AKAP12: variants seen among roughly 807,000 people sequenced by gnomAD.
AKAP12 encodes the protein A-kinase anchoring protein 12, also known as A-kinase anchor protein 12.
A neutral mutation model predicts 79.9 loss-of-function variants in AKAP12; 32 were observed. The observed-to-expected ratio is 0.40, with a 90% CI of 0.30 to 0.54. The LOEUF is 0.54. Ranked by LOEUF, AKAP12 falls within the 20% of genes least tolerant of loss-of-function variation. The pLI is 0.48. For synonymous variants in AKAP12, 808 were observed against 857.0 expected (o/e 0.94, Z 1.00); for missense variants, 2,074 against 2,177.0 (o/e 0.95, Z 0.94).
At chr6:151,249,238 A>G (rs1427023331) in intron 2 of AKAP12, among the ~76,000 whole-genome samples, 2 of 152,216 alleles carry the variant, frequency 1.3e-5, no homozygotes, top group African/African-American at 2.4e-5. Context: ...AAAATCTGTA[A>G]AGAAATTTTA....
chr6:151,334,925 C>A (rs1003102257), intron 3 of AKAP12, among the ~76,000 whole-genome samples: 1 of 152,080 alleles, frequency 6.6e-6, no homozygotes, highest in Non-Finnish European at 1.5e-5. Context: ...GCCCGGCCTT[C>A]AACATTTTGT....
intron 3 of AKAP12, among the ~76,000 whole-genome samples, chr6:151,337,163 G>A (rs1777835200): frequency 6.6e-6 from 1 of 152,030 alleles, no homozygotes; most frequent in Admixed American, 6.6e-5. Flanking sequence ...ATAATTTTTA[G>A]TAGTTACCTG....
chr6:151,345,815 A>C (rs1399310008), intron 3 of AKAP12, among the ~76,000 whole-genome samples: 1 of 151,376 alleles, frequency 6.6e-6, no homozygotes, highest in Non-Finnish European at 1.5e-5. Flanking sequence ...AGAAAAGAAA[A>C]AAGAAAATTC....
At chr6:151,330,947 G>C (rs1191923001) in intron 3 of AKAP12, among the ~76,000 whole-genome samples, 1 of 152,150 alleles carries the variant, frequency 6.6e-6, no homozygotes, top group African/African-American at 2.4e-5. Flanking sequence ...TTGCAGCTTT[G>C]GGGACGGGGA....
chr6:151,322,721 CGCCACTGGGCGTGTCCACCACCCACTCCT>C (rs1378417437), intron 3 of AKAP12, among the ~76,000 whole-genome samples: 1,931 of 143,650 alleles, frequency 0.013, 36 homozygotes, highest in African/African-American at 0.052. Context: ...CACCCACTCC[CGCCACTGGGCGTGTCCACCACCCACTCCT>C]GCCACTGGGT....
chr6:151,242,879 AGGGGTGATATTGGCTCCTT>A (rs1173144303), intron 2 of AKAP12, among the ~76,000 whole-genome samples: 3 of 152,224 alleles, frequency 2.0e-5, no homozygotes, highest in Admixed American at 6.5e-5. Context: ...GGAAAGAGGA[AGGGGTGATATTGGCTCCTT>A]GGTTTTGATT....
intron 2 of AKAP12, among the ~76,000 whole-genome samples, chr6:151,286,775 G>A (rs1016021861): frequency 9.9e-5 from 15 of 152,134 alleles, no homozygotes; most frequent in African/African-American, 2.7e-4. Context: ...ACTGAGTCCC[G>A]AATGTGGTCT....
chr6:151,336,720 G>C (rs539893420), intron 3 of AKAP12, among the ~76,000 whole-genome samples: 33 of 152,194 alleles, frequency 2.2e-4, no homozygotes, highest in Non-Finnish European at 4.1e-4. Context: ...TCCAGCCTGG[G>C]CGACAGAGCG....
intron 2 of AKAP12, among the ~76,000 whole-genome samples, chr6:151,298,106 G>GT (rs1296374585): frequency 2.0e-5 from 3 of 152,170 alleles, no homozygotes; most frequent in Non-Finnish European, 4.4e-5. Flanking sequence ...CCAAGACGTT[G>GT]TATGTGCTGT....
chr6:151,342,168 T>C (rs1178440820), intron 3 of AKAP12, among the ~76,000 whole-genome samples: 1 of 152,206 alleles, frequency 6.6e-6, no homozygotes, highest in Non-Finnish European at 1.5e-5. Flanking sequence ...TTGCCCTCAC[T>C]GTAAGGCCTG....
At chr6:151,251,731 G>A (rs898676453) in intron 2 of AKAP12, among the ~76,000 whole-genome samples, 4 of 152,142 alleles carry the variant, frequency 2.6e-5, no homozygotes, top group Admixed American at 6.6e-5. Context: ...GCACAGTGGC[G>A]CACGCCTGTA....
At chr6:151,253,066 T>C (rs1797217227) in intron 2 of AKAP12, among the ~76,000 whole-genome samples, 1 of 152,222 alleles carries the variant, frequency 6.6e-6, no homozygotes, top group Non-Finnish European at 1.5e-5. Flanking sequence ...GATTTTTTTA[T>C]TGAATTGAGC....
At chr6:151,354,373 T>C (rs1467500037) in intron 4 of AKAP12, among the ~76,000 whole-genome samples, 2 of 128,304 alleles carry the variant, frequency 1.6e-5, no homozygotes, top group African/African-American at 7.9e-5. Flanking sequence ...GTTTTTGTTT[T>C]GTTTTGTTTT....
chr6:151,324,412 G>A (rs1379509355), intron 3 of AKAP12: 21 of 985,220 alleles, frequency 2.1e-5, no homozygotes, highest in Non-Finnish European at 2.3e-5. Context: ...GTGGTGCATC[G>A]CGCCCCCTGG....
intron 2 of AKAP12, among the ~76,000 whole-genome samples, chr6:151,254,148 C>A (rs1582834566): frequency 6.6e-6 from 1 of 152,176 alleles, no homozygotes; most frequent in Non-Finnish European, 1.5e-5. Flanking sequence ...TGGAACATGT[C>A]ACTACAAAAG....
intron 2 of AKAP12, among the ~76,000 whole-genome samples, chr6:151,260,862 C>T (rs561616817): frequency 3.9e-5 from 6 of 151,906 alleles, no homozygotes; most frequent in East Asian, 1.9e-4. Context: ...TGTGGTGGTG[C>T]GCACCTGTAG....
intron 3 of AKAP12, among the ~76,000 whole-genome samples, chr6:151,326,489 T>TAAAAAAAAA (rs746340831): frequency 3.0e-4 from 24 of 80,202 alleles, no homozygotes; most frequent in East Asian, 6.9e-4. Context: ...CAACAAATAG[T>TAAAAAAAAA]AAAAAAAAAA....
At chr6:151,344,215 T>C (rs559412619) in intron 3 of AKAP12, among the ~76,000 whole-genome samples, 1 of 152,262 alleles carries the variant, frequency 6.6e-6, no homozygotes, top group African/African-American at 2.4e-5. Context: ...GAGGTAAAAC[T>C]AAAATGTTTT....
At chr6:151,331,608 G>A (rs1397414605) in intron 3 of AKAP12, among the ~76,000 whole-genome samples, 4 of 152,028 alleles carry the variant, frequency 2.6e-5, no homozygotes, top group Non-Finnish European at 2.9e-5. Context: ...AGTTTTGGCC[G>A]GGTGCGGTGG....
Sources: allele counts gnomAD v4.1 joint callset (sites outside exome capture counted in the v4.1 genomes callset), GRCh38; gene constraint gnomAD v4.1.1; transcripts MANE v1.5; gene names NCBI Gene and HGNC (gene_info 2026-07-23, HGNC 2026-07-21).